TMCO4: variants seen among roughly 807,000 people sequenced by gnomAD.
TMCO4 encodes the protein transmembrane and coiled-coil domains 4.
In TMCO4, 58 loss-of-function variants were observed where a neutral mutation model predicts 64.7. The observed-to-expected ratio is 0.90, with a 90% confidence interval of 0.73 to 1.12. TMCO4 has a LOEUF of 1.12. TMCO4 is among the 50% of genes most tolerant of loss of function. The pLI, the probability that TMCO4 is intolerant of heterozygous loss-of-function variation, is 0.00. For synonymous variants in TMCO4, 325 were observed against 346.1 expected, an observed-to-expected ratio of 0.94 and a Z score of 0.68; for missense variants, 780 against 825.9, an observed-to-expected ratio of 0.94 and a Z score of 0.68.
At chr1:19,752,182 G>A (rs1167628621) in intron 7 of TMCO4, among the ~76,000 whole-genome samples, 1 of 152,160 alleles carries the variant, frequency 6.6e-6, no homozygotes, top group South Asian at 2.1e-4. Context: ...GGAGATGTTT[G>A]CTCTGAGTCA....
chr1:19,742,974 C>T (rs1292302030), intron 10 of TMCO4, among the ~76,000 whole-genome samples: 2 of 151,940 alleles, frequency 1.3e-5, no homozygotes, highest in African/African-American at 2.4e-5. Flanking sequence ...CGCTAGAACC[C>T]GGGAGGCGGA....
At chr1:19,751,638 T>G (rs2042021886) in intron 7 of TMCO4, among the ~76,000 whole-genome samples, 2 of 151,648 alleles carry the variant, frequency 1.3e-5, no homozygotes, top group African/African-American at 4.8e-5. Flanking sequence ...TTGTAAGCAT[T>G]TGTTGATTTG....
chr1:19,761,471 C>T (rs2042500974), intron 6 of TMCO4, among the ~76,000 whole-genome samples: 1 of 152,232 alleles, frequency 6.6e-6, no homozygotes, highest in African/African-American at 2.4e-5. Context: ...GAGCTGGTAT[C>T]CAGAGGTCCT....
chr1:19,759,054 A>T (rs1026520440), intron 6 of TMCO4, among the ~76,000 whole-genome samples: 1 of 148,066 alleles, frequency 6.8e-6, no homozygotes, highest in Non-Finnish European at 1.5e-5. Flanking sequence ...GTGAGCCAAG[A>T]TCATGCCACT....
chr1:19,711,648 T>C (rs937599231), intron 13 of TMCO4, among the ~76,000 whole-genome samples: 3 of 151,164 alleles, frequency 2.0e-5, no homozygotes, highest in African/African-American at 7.3e-5. Context: ...ACCACCATGC[T>C]GGGCTAATTT....
At chr1:19,752,231 A>T (rs2042051959) in intron 7 of TMCO4, among the ~76,000 whole-genome samples, 1 of 152,062 alleles carries the variant, frequency 6.6e-6, no homozygotes, top group Non-Finnish European at 1.5e-5. Flanking sequence ...GGAAGTGAAC[A>T]CTCAGAGAAC....
intron 13 of TMCO4, among the ~76,000 whole-genome samples, chr1:19,709,819 G>A (rs553432857): frequency 1.4e-5 from 2 of 142,234 alleles, no homozygotes; most frequent in South Asian, 2.2e-4. Context: ...ACAGAATCTC[G>A]CTCTTGTTGC....
In TMCO4 at chr1:19,777,347, CTTT is replaced by C. The variant is rs35543721; in HGVS notation, c.179+3230_179+3232del. ...ACTGTTCAGAAGCCAACCCAAAGGC[CTTT>C]TTTTTTTTTTTTTTTGAGACAGAGT... On this transcript the variant is annotated intron_variant, in intron 4 of 15. Transcript: ENST00000294543. 1.3e-3 allele frequency among the ~76,000 whole-genome samples: 174 copies of C among 129,284 alleles called. 1 individual carries two copies. The highest frequency in any genetic ancestry group is 1.7e-3 in the Non-Finnish European group (102 of 61,322). 84.8% of individuals were successfully genotyped at this position (129,284 alleles called of 152,430 possible). A position where few individuals can be genotyped will look rare whatever the true frequency, so the allele number is the denominator to read the frequency against.
At chr1:19,744,571 T>C (rs921754731) in intron 10 of TMCO4, among the ~76,000 whole-genome samples, 1 of 152,124 alleles carries the variant, frequency 6.6e-6, no homozygotes, top group Non-Finnish European at 1.5e-5. Context: ...TCAAACTTCT[T>C]GCCACAGCTC....
intron 3 of TMCO4, among the ~76,000 whole-genome samples, chr1:19,783,504 T>A (rs1016185906): frequency 3.9e-5 from 6 of 152,208 alleles, no homozygotes; most frequent in Admixed American, 3.9e-4. Context: ...CCACAACTAA[T>A]ATTTCATTTG....
chr1:19,783,217 G>A (rs1202468007), intron 3 of TMCO4, among the ~76,000 whole-genome samples: 6 of 152,200 alleles, frequency 3.9e-5, no homozygotes, highest in Non-Finnish European at 8.8e-5. Context: ...GAGGCAAGTA[G>A]GACTGTAATG....
chr1:19,684,608 T>C (rs1042300175), intron 15 of TMCO4, among the ~76,000 whole-genome samples: 1 of 152,176 alleles, frequency 6.6e-6, no homozygotes, highest in Non-Finnish European at 1.5e-5. Context: ...AGTCCTCAAA[T>C]TGGAAAGAAA....
At chr1:19,787,422 C>T (rs1018142358) in intron 2 of TMCO4, among the ~76,000 whole-genome samples, 3 of 152,244 alleles carry the variant, frequency 2.0e-5, no homozygotes, top group Admixed American at 6.5e-5. Context: ...GTGGTCACTG[C>T]ATCCAGTTCC....
At chr1:19,783,526 A>G (rs1391895127) in intron 3 of TMCO4, among the ~76,000 whole-genome samples, 1 of 152,188 alleles carries the variant, frequency 6.6e-6, no homozygotes, top group Non-Finnish European at 1.5e-5. Context: ...TTTCAAAACA[A>G]CCCTGAGGTA....
chr1:19,699,486 CATATATAT>C (rs10587817), intron 14 of TMCO4, among the ~76,000 whole-genome samples: 189 of 136,388 alleles, frequency 1.4e-3, no homozygotes, highest in Non-Finnish European at 2.2e-3. Context: ...TTTTCATATA[CATATATAT>C]ATATATATAT....
chr1:19,718,650 C>CAAAAA (rs754998314), intron 13 of TMCO4, among the ~76,000 whole-genome samples: 3 of 63,334 alleles, frequency 4.7e-5, no homozygotes, highest in African/African-American at 8.4e-5. Flanking sequence ...GACCGTCTCT[C>CAAAAA]AAAAAAAAAA....
intron 4 of TMCO4, among the ~76,000 whole-genome samples, chr1:19,777,167 G>A (rs2043245956): frequency 6.6e-6 from 1 of 152,068 alleles, no homozygotes; most frequent in Non-Finnish European, 1.5e-5. Context: ...TTGGCTTCTC[G>A]GGGTATTTTG....
In TMCO4 at chr1:19,732,853, T is replaced by C. The variant is rs1179166490; in HGVS notation, c.1264+4519A>G. Among the ~76,000 whole-genome samples, 1 of 152,188 alleles carries C rather than the reference T, an allele frequency of 6.6e-6. No individual in the cohort carries two copies. Among genetic ancestry groups the C allele is most frequent in the Non-Finnish European group, 1.5e-5 (1 of 68,042 alleles). On this transcript the variant is annotated intron_variant, in intron 13 of 15. Transcript: ENST00000294543. The surrounding 1 kb of genome is among the most constrained non-coding windows in gnomAD (Gnocchi z 4.8). ...ATCTTGGAGTCAGATTCCTATCAGA[T>C]TCTTGTTATTTGGAAGGCTTCGGAT... is the stretch of plus-strand genomic sequence containing the variant.
In TMCO4 at chr1:19,732,194, G is replaced by A. The variant is rs1327735715; in HGVS notation, c.1264+5178C>T. On this transcript the variant is annotated intron_variant, in intron 13 of 15. Coordinates refer to ENST00000294543, the MANE Select transcript of TMCO4 (RefSeq NM_181719.7). The surrounding 1 kb of genome is among the most constrained non-coding windows in gnomAD (Gnocchi z 4.8). ...AACTAAGGGACAGACCCCTCTCAGT[G>A]TGGCTTTTGCTCTGTCACCCAGGCT... 6.6e-6 allele frequency among the ~76,000 whole-genome samples: 1 copy of A among 152,112 alleles called. No individual in the cohort carries two copies. Among genetic ancestry groups the A allele is most frequent in the Non-Finnish European group, 1.5e-5 (1 of 68,014 alleles).
Sources: gnomAD v4.1 joint callset for allele counts (sites outside exome capture counted in the v4.1 genomes callset) on GRCh38, gnomAD v4.1.1 for gene constraint, Gnocchi (gnomAD v3.1) non-coding constraint, MANE v1.5 for transcripts, NCBI Gene and HGNC (gene_info 2026-07-23, HGNC 2026-07-21) for gene names.